MTHFSD: variants seen among roughly 807,000 people sequenced by gnomAD.
MTHFSD encodes methenyltetrahydrofolate synthase domain-containing protein.
Under a neutral mutation model 31.1 loss-of-function variants are expected in MTHFSD, and 37 were observed. The ratio of observed to expected loss-of-function variants is 1.19; its 90% CI spans 0.91 to 1.56. The LOEUF (loss-of-function observed/expected upper bound fraction) is 1.56, where lower values mean the gene tolerates loss of function less well. Ranked by LOEUF, MTHFSD falls within the 40% of genes most tolerant of loss-of-function variation. The pLI is 0.00. For synonymous variants in MTHFSD, 221 were observed against 206.9 expected, an observed-to-expected ratio of 1.07 and a Z score of -0.59; for missense variants, 664 against 510.1, an observed-to-expected ratio of 1.30 and a Z score of -2.91.
In MTHFSD at chr16:86,542,097, G is replaced by A. The variant is rs9674276; in HGVS notation, c.555+4C>T. On this transcript the variant is annotated splice_donor_region_variant and intron_variant, in intron 6 of 7. Coordinates refer to ENST00000360900, the MANE Select transcript of MTHFSD (RefSeq NM_001159377.2). This position sits in a 1 kb window ranked among gnomAD's most constrained non-coding sequence, Gnocchi z 4.6. ...GCTCTGCTCAGCCCATTCATAAGGA[G>A]CACCTGGCAGTCGTGGACGATGGTG... 6.2e-7 allele frequency: 1 copy of A among 1,612,088 alleles called. No individual in the cohort carries two copies. Among genetic ancestry groups the A allele is most frequent in the Admixed American group, 1.7e-5 (1 of 59,994 alleles).
intron 7 of MTHFSD, among the ~76,000 whole-genome samples, chr16:86,539,101 A>T (rs916831140): frequency 6.6e-6 from 1 of 152,180 alleles, no homozygotes; most frequent in Non-Finnish European, 1.5e-5. Flanking sequence ...ACCCAACCCT[A>T]CCAGGCTTCC....
chr16:86,553,031 T>C (rs1008286286), intron 2 of MTHFSD, among the ~76,000 whole-genome samples: 8 of 152,174 alleles, frequency 5.3e-5, no homozygotes, highest in Admixed American at 4.6e-4. Context: ...CCATCTTTGA[T>C]TGTCTTACAT....
Position 86,554,717 on chromosome 16 carries a change from A to C in MTHFSD, c.51T>G (p.Ile17Met), listed in dbSNP as rs369949851. The change falls in exon 2 of 8, where the codon ATT becomes ATG. Residue 17 changes from isoleucine to methionine, a missense_variant. Ile to Met is a conservative substitution (Grantham distance 10). Coordinates refer to ENST00000360900, the MANE Select transcript of MTHFSD (RefSeq NM_001159377.2). ...GVSKQDIREQ[I>M]WGYMESQNLA... ...AATTTTGTGATTCCATGTAGCCCCA[A>C]ATTTGTTCACGTATGTCCTGTTTGG... 1.2e-5 allele frequency: 20 copies of C among 1,614,096 alleles called. No individual in the cohort carries two copies. The highest frequency in any genetic ancestry group is 1.2e-4 in the African/African-American group (9 of 74,938).
intron 5 of MTHFSD, among the ~76,000 whole-genome samples, chr16:86,543,499 G>A (rs542597896): frequency 2.2e-4 from 33 of 152,300 alleles, no homozygotes; most frequent in African/African-American, 7.5e-4. Flanking sequence ...AACTCATAAC[G>A]TATGCATCCA....
chr16:86,550,900 G>A (rs1973050858), intron 3 of MTHFSD, among the ~76,000 whole-genome samples: 1 of 152,184 alleles, frequency 6.6e-6, no homozygotes, highest in Admixed American at 6.5e-5. Flanking sequence ...GGTGTGGAAA[G>A]TGCCCCTCTC....
At chr16:86,549,517 T>C (rs1972830540) in intron 3 of MTHFSD, among the ~76,000 whole-genome samples, 1 of 152,168 alleles carries the variant, frequency 6.6e-6, no homozygotes, top group Admixed American at 6.5e-5. Flanking sequence ...GCCTGCTGCT[T>C]TTCTGGGAGT....
intron 5 of MTHFSD, among the ~76,000 whole-genome samples, chr16:86,543,945 G>A (rs1971900136): frequency 6.6e-6 from 1 of 152,202 alleles, no homozygotes; most frequent in African/African-American, 2.4e-5. Flanking sequence ...GCATGCCAGG[G>A]ATCTAGGTTG....
At position 86,552,040 on chromosome 16, in the gene MTHFSD, A is replaced by G. The variant is rs1973225602; in HGVS notation, c.230T>C (p.Val77Ala). 1.2e-6 allele frequency: 2 copies of G among 1,614,172 alleles called. No individual in the cohort carries two copies. The highest frequency in any genetic ancestry group is 2.7e-5 in the African/African-American group (2 of 75,050). ...DKPLEGVRLLVLQSKKTLLVP... is the reference protein window; with the variant it reads ...DKPLEGVRLLALQSKKTLLVP... ...TCAGGGAAGTGGAATTACCTGCAGC[A>G]CCAGCAGCCGAACGCCTTCCAGTGG... The change falls in exon 3 of 8, where the codon GTG becomes GCG. Residue 77 changes from valine (V) to alanine (A), a missense_variant. By Grantham distance (64) the Val-to-Ala change is moderately conservative. Transcript: ENST00000360900.
chr16:86,532,320 G>T lies in MTHFSD; in HGVS notation c.843C>A (p.Asp281Glu), dbSNP rs570782551. ...VPLSVGRRPP[D>E]TPGPETNSME... ...TGGAATTGGTTTCTGGTCCGGGTGT[G>T]TCCGGGGGCCTCCTGCCAACACTCA... The change falls in exon 8 of 8, where the codon GAC (aspartate) becomes GAA (glutamate). Residue 281 changes from aspartate (D) to glutamate (E), a missense_variant. Coordinates refer to ENST00000360900, the MANE Select transcript of MTHFSD (RefSeq NM_001159377.2). 3 of 1,595,498 alleles carry T rather than the reference G, an allele frequency of 1.9e-6. No homozygotes were observed. Among genetic ancestry groups the T allele is most frequent in the African/African-American group, 2.7e-5 (2 of 74,568 alleles).
chr16:86,550,944 T>C (rs1973058233), intron 3 of MTHFSD, among the ~76,000 whole-genome samples: 1 of 152,066 alleles, frequency 6.6e-6, no homozygotes, highest in South Asian at 2.1e-4. Context: ...CTTGGCAACT[T>C]GGGTGGGAGA....
rs1290973222 is a variant in MTHFSD, at chr16:86,542,376, C to G, written c.443-163G>C. On this transcript the variant is annotated intron_variant, in intron 5 of 7. Coordinates refer to ENST00000360900, the MANE Select transcript of MTHFSD (RefSeq NM_001159377.2). This position sits in a 1 kb window ranked among gnomAD's most constrained non-coding sequence, Gnocchi z 4.6. ...CCACCAAATGCCCACAAGCAGCCCA[C>G]ACTGACGATGGACTTTTGGGCATTC... 1.6e-6 allele frequency: 1 copy of G among 617,352 alleles called. No homozygotes were observed. The highest frequency in any genetic ancestry group is 2.8e-6 in the Non-Finnish European group (1 of 353,828). 38.2% of individuals were successfully genotyped at this position (617,352 alleles called of 1,614,324 possible). A position where few individuals can be genotyped will look rare whatever the true frequency, so the allele number is the denominator to read the frequency against.
chr16:86,547,046 TCAGCTG>T, intron 4 of MTHFSD: 2 of 586,606 alleles, frequency 3.4e-6, no homozygotes, highest in Admixed American at 5.4e-5. Context: ...CTCAGTTTCT[TCAGCTG>T]TAAGACAGGG....
intron 3 of MTHFSD, 46 bp downstream of exon 3, chr16:86,551,987 C>T (rs1973213568): frequency 2.5e-6 from 4 of 1,610,554 alleles, no homozygotes; most frequent in Non-Finnish European, 3.4e-6. Context: ...AAAAGGTGTC[C>T]CCCTTGGCGG....
In MTHFSD at chr16:86,552,079, A is replaced by G. The variant is rs1191325754; in HGVS notation, c.191T>C (p.Val64Ala). ...DVFARTQEVK[V>A]DPDKPLEGVR... ...GCCTTCCAGTGGTTTATCAGGGTCCACTTTAACTTCCTGTGTTCTGGCAAA... is the reference window on the plus strand; with the variant it reads ...GCCTTCCAGTGGTTTATCAGGGTCCGCTTTAACTTCCTGTGTTCTGGCAAA... Residue 64 changes from valine (V) to alanine (A), a missense_variant, in exon 3 of 8, where the codon GTG (valine) becomes GCG (alanine). Val to Ala is a moderately conservative substitution (Grantham distance 64). Transcript: ENST00000360900. The G allele has an allele frequency of 6.2e-7, 1 of 1,614,084 alleles. No individual in the cohort carries two copies. Among genetic ancestry groups the G allele is most frequent in the East Asian group, 2.2e-5 (1 of 44,896 alleles).
intron 1 of MTHFSD, 62 bp downstream of exon 1, chr16:86,555,107 T>C: frequency 4.6e-6 from 7 of 1,525,096 alleles, no homozygotes; most frequent in Non-Finnish European, 6.1e-6. Flanking sequence ...GCCTCGACCC[T>C]CACCGGTCCC....
chr16:86,555,155 G>T lies in MTHFSD; in HGVS notation c.16+14C>A. On this transcript the variant is annotated intron_variant, in intron 1 of 7. Transcript: ENST00000360900. ...CCATTCCCAGCCGCCCCGGAGCCCC[G>T]CCAGGCCCCCCACCTGCCCTCGGCT... 6.5e-7 allele frequency: 1 copy of T among 1,534,534 alleles called. No homozygotes were observed. Among genetic ancestry groups the T allele is most frequent in the Non-Finnish European group, 8.7e-7 (1 of 1,145,056 alleles).
intron 7 of MTHFSD, chr16:86,533,776 A>G (rs1332056522): frequency 6.6e-6 from 1 of 152,206 alleles, no homozygotes; most frequent in African/African-American, 2.4e-5. Flanking sequence ...CAAGAAGTAC[A>G]CAGGCCCCAA....
In MTHFSD at chr16:86,547,139, C is replaced by G. The variant is rs192516460; in HGVS notation, c.352-490G>C. On this transcript the variant is annotated intron_variant, in intron 4 of 7. Coordinates refer to ENST00000360900, the MANE Select transcript of MTHFSD (RefSeq NM_001159377.2). ...ATGCATTTAGCACATAAGACATGGT[C>G]AGTAAACACTGTATGACATATTTAT... 6.3e-5 allele frequency: 62 copies of G among 980,696 alleles called. No individual in the cohort carries two copies. The Admixed American group carries it at 1.2e-3, about 19-fold the overall frequency. 60.7% of individuals were successfully genotyped at this position (980,696 alleles called of 1,614,324 possible).
At chr16:86,539,217 G>A (rs896996526) in intron 7 of MTHFSD, among the ~76,000 whole-genome samples, 2 of 152,212 alleles carry the variant, frequency 1.3e-5, no homozygotes, top group East Asian at 1.9e-4. Context: ...AAGGGCTGGA[G>A]AGCCGGGGTC....
Sources: allele counts gnomAD v4.1 joint callset (sites outside exome capture counted in the v4.1 genomes callset), GRCh38; gene constraint gnomAD v4.1.1; non-coding constraint Gnocchi (gnomAD v3.1); transcripts MANE v1.5; gene names NCBI Gene and HGNC (gene_info 2026-07-23, HGNC 2026-07-21).